The following GRM8 variants were observed in gnomAD, a reference collection of about 807,000 sequenced individuals.
GRM8 encodes glutamate metabotropic receptor 8.
GRM8 carries 47 observed loss-of-function variants against 87.2 expected under a neutral mutation model. The observed-to-expected ratio is 0.54, with a 90% CI of 0.43 to 0.69. GRM8 has a LOEUF of 0.69. Ranked by LOEUF, GRM8 falls within the 30% of genes least tolerant of loss-of-function variation. The pLI, the probability that GRM8 is intolerant of heterozygous loss-of-function variation, is 0.00. For synonymous variants in GRM8, 396 were observed against 404.5 expected, an observed-to-expected ratio of 0.98 and a Z score of 0.25; for missense variants, 1,019 against 1,139.2, an observed-to-expected ratio of 0.89 and a Z score of 1.52.
chr7:126,710,115 G>A (rs59684804), intron 7 of GRM8, among the ~76,000 whole-genome samples: 4,254 of 152,196 alleles, frequency 0.028, 218 homozygotes, highest in African/African-American at 0.097. Context: ...CTAAGAAAGT[G>A]CATAATTTAT....
In GRM8 at chr7:127,059,377, C is replaced by T. The variant is rs560340152; in HGVS notation, c.727+47119G>A. Among the ~76,000 whole-genome samples, 10 of 148,360 alleles carry T rather than the reference C, an allele frequency of 6.7e-5. No individual in the cohort carries two copies. The South Asian group carries it at 2.2e-3, about 32-fold the overall frequency. On this transcript the variant is annotated intron_variant, in intron 3 of 10. Transcript: ENST00000339582. ...TTTGAGATGGAGTCTTGCTCTGTCA[C>T]CCAGGCTGGAGTGCAGTGGCGCAAT...
intron 7 of GRM8, among the ~76,000 whole-genome samples, chr7:126,709,001 A>G (rs1585612999): frequency 2.0e-5 from 3 of 152,192 alleles, no homozygotes; most frequent in African/African-American, 7.2e-5. Flanking sequence ...GAAGTAATGC[A>G]TATGTTAATT....
At position 127,015,078 on chromosome 7, in the gene GRM8, G is replaced by A. The variant is rs1226315527; in HGVS notation, c.727+91418C>T. Among the ~76,000 whole-genome samples the A allele has an allele frequency of 1.0e-2, 861 of 86,468 alleles. 5 individuals carry two copies. The highest frequency in any genetic ancestry group is 0.02 in the Middle Eastern group (3 of 148). The allele number at this position is 86,468 out of a possible 152,430, so 56.7% of individuals were successfully genotyped here. On this transcript the variant is annotated intron_variant, in intron 3 of 10. Transcript: ENST00000339582. The stretch of plus-strand genomic sequence containing the variant: ...AAGAAGAAGAAGAAGAAAGAAAGAA[G>A]GAGAAGAAGGAGAAGAAGGAGAAGG...
chr7:126,711,203 T>C (rs1811065292), intron 7 of GRM8, among the ~76,000 whole-genome samples: 1 of 152,136 alleles, frequency 6.6e-6, no homozygotes, highest in South Asian at 2.1e-4. Flanking sequence ...AATATATTTC[T>C]TAAATAGTAA....
intron 8 of GRM8, among the ~76,000 whole-genome samples, chr7:126,535,849 A>G (rs1815627682): frequency 6.6e-6 from 1 of 151,944 alleles, no homozygotes; most frequent in Non-Finnish European, 1.5e-5. Context: ...ACAAGCACCA[A>G]CTTCCCATGC....
chr7:127,203,434 G>C lies in GRM8; in HGVS notation c.510+39261C>G, dbSNP rs551091093. ...CTGAATCTAAAAGTTGAGGCCAGGC[G>C]TAGTGGCTCAGGCCTGTAATCCCAG... On this transcript the variant is annotated intron_variant, in intron 2 of 10. Coordinates refer to ENST00000339582, the MANE Select transcript of GRM8 (RefSeq NM_000845.3). Among the ~76,000 whole-genome samples, 6 of 152,314 alleles carry C rather than the reference G, an allele frequency of 3.9e-5. No homozygotes were observed. In the East Asian group the frequency reaches 1.2e-3, roughly 29 times the overall value.
chr7:126,827,650 T>C (rs1211715207), intron 6 of GRM8, among the ~76,000 whole-genome samples: 1 of 152,232 alleles, frequency 6.6e-6, no homozygotes, highest in African/African-American at 2.4e-5. Flanking sequence ...TATAATCATG[T>C]CATCTGCAAA....
intron 7 of GRM8, among the ~76,000 whole-genome samples, chr7:126,651,092 T>C (rs1803801873): frequency 6.6e-6 from 1 of 152,200 alleles, no homozygotes; most frequent in Admixed American, 6.5e-5. Flanking sequence ...AATAGACATG[T>C]ACTCCAGATA....
At chr7:127,000,632 T>C (rs924652341) in intron 3 of GRM8, among the ~76,000 whole-genome samples, 3 of 151,652 alleles carry the variant, frequency 2.0e-5, no homozygotes, top group Admixed American at 6.6e-5. Flanking sequence ...ATATGGTGTA[T>C]AAATACCTAG....
chr7:126,471,855 CTT>C (rs1229808398), intron 9 of GRM8, among the ~76,000 whole-genome samples: 1 of 152,110 alleles, frequency 6.6e-6, no homozygotes, highest in Non-Finnish European at 1.5e-5. Context: ...TTTGTATCCT[CTT>C]TTATTTCATT....
chr7:127,228,513 A>G (rs1797484085), intron 2 of GRM8: 1 of 152,224 alleles, frequency 6.6e-6, no homozygotes, highest in Admixed American at 6.5e-5. Flanking sequence ...ATCGAAGAAC[A>G]AAGACAGCAT....
Position 127,059,724 on chromosome 7 carries a change from G to C in GRM8, c.727+46772C>G, listed in dbSNP as rs2132571750. On this transcript the variant is annotated intron_variant, in intron 3 of 10. Coordinates refer to ENST00000339582, the MANE Select transcript of GRM8 (RefSeq NM_000845.3). The stretch of plus-strand genomic sequence containing the variant: ...TACAAATAGCCTCTAGATAACTCAT[G>C]AATACGCTGCATCAATGCAGTGGAG... Among the ~76,000 whole-genome samples the C allele has an allele frequency of 2.0e-5, 3 of 152,294 alleles. No homozygotes were observed. In the South Asian group the frequency reaches 6.2e-4, roughly 32 times the overall value.
intron 6 of GRM8, among the ~76,000 whole-genome samples, chr7:126,848,288 G>T (rs1253350564): frequency 6.6e-6 from 1 of 152,138 alleles, no homozygotes; most frequent in East Asian, 1.9e-4. Context: ...GAGCTGTACT[G>T]TTCATTAAGA....
rs141594807 is a variant in GRM8 at position 127,118,519 on chromosome 7, C to T, written c.511-11807G>A. Among the ~76,000 whole-genome samples the T allele has an allele frequency of 3.3e-4, 51 of 152,272 alleles. 1 individual carries two copies. Among genetic ancestry groups the T allele is most frequent in the African/African-American group, 1.1e-3 (44 of 41,558 alleles). On this transcript the variant is annotated intron_variant, in intron 2 of 10. Coordinates refer to ENST00000339582, the MANE Select transcript of GRM8 (RefSeq NM_000845.3). ...TATGTGTCGTATTCCATAATGTGTG[C>T]GTATGTGTGTGTGCGTACACATGTG...
Position 127,242,958 on chromosome 7 carries a change from T to C in GRM8, c.247A>G (p.Ile83Val), listed in dbSNP as rs775136047. The change falls in exon 2 of 11, where the codon ATT becomes GTT. Residue 83 changes from isoleucine to valine, a missense_variant. Coordinates refer to ENST00000339582, the MANE Select transcript of GRM8 (RefSeq NM_000845.3). ...TCAGGGTCCTTGTTAATCTGGTCAA[T>C]TGCATAAAGCATGGCCTCCAGTCTG... is the stretch of plus-strand genomic sequence containing the variant. ...IHRLEAMLYA[I>V]DQINKDPDLL... 24 of 1,614,012 alleles carry C rather than the reference T, an allele frequency of 1.5e-5. No individual in the cohort carries two copies. In the Admixed American group the frequency reaches 2.5e-4, roughly 17 times the overall value.
chr7:127,004,832 CAT>C (rs1401053116), intron 3 of GRM8, among the ~76,000 whole-genome samples: 1 of 151,152 alleles, frequency 6.6e-6, no homozygotes, highest in Non-Finnish European at 1.5e-5. Flanking sequence ...TTATAATGAA[CAT>C]ATGTTACTTT....
At chr7:127,218,910 T>C (rs1796742278) in intron 2 of GRM8, among the ~76,000 whole-genome samples, 1 of 152,250 alleles carries the variant, frequency 6.6e-6, no homozygotes, top group Non-Finnish European at 1.5e-5. Context: ...TCTGTCATTA[T>C]GAACCTTTCA....
In GRM8 at chr7:126,685,561, T is replaced by C. The variant is rs1422968315; in HGVS notation, c.1358-76063A>G. Among the ~76,000 whole-genome samples the C allele has an allele frequency of 1.3e-5, 2 of 152,122 alleles. No individual in the cohort carries two copies. Among genetic ancestry groups the C allele is most frequent in the East Asian group, 3.9e-4 (2 of 5,138 alleles). On this transcript the variant is annotated intron_variant, in intron 7 of 10. Transcript: ENST00000339582. The surrounding 1 kb of genome is among the most constrained non-coding windows in gnomAD (Gnocchi z 4.2). The stretch of plus-strand genomic sequence containing the variant: ...CTGGCTTCTCCCCACTGTCAGTGTA[T>C]GCTCTGATCTTGGAGTAAGGTTGGG...
chr7:126,644,952 T>C (rs891617579), intron 7 of GRM8, among the ~76,000 whole-genome samples: 3 of 152,244 alleles, frequency 2.0e-5, no homozygotes, highest in Admixed American at 6.5e-5. Context: ...AAAATCATGA[T>C]AGCAAGAGAA....
Sources: gnomAD v4.1 joint callset for allele counts (sites outside exome capture counted in the v4.1 genomes callset) on GRCh38, gnomAD v4.1.1 for gene constraint, Gnocchi (gnomAD v3.1) non-coding constraint, MANE v1.5 for transcripts, NCBI Gene and HGNC (gene_info 2026-07-23, HGNC 2026-07-21) for gene names.